ZNF708: variants seen among roughly 807,000 people sequenced by gnomAD.
The protein encoded by ZNF708 is ZNF15, ZNF15L1.
A neutral mutation model predicts 47.0 loss-of-function variants in ZNF708; 44 were observed. That is an observed-to-expected ratio of 0.94 (90% CI 0.74 to 1.20). ZNF708 has a LOEUF of 1.20. Among genes scored for constraint, ZNF708 ranks in the 50% most tolerant of loss-of-function variants. ZNF708 has a pLI of 0.00. For synonymous variants in ZNF708, 184 were observed against 218.5 expected (o/e 0.84, Z 1.39); for missense variants, 557 against 656.0 (o/e 0.85, Z 1.65).
Position 21,329,287 on chromosome 19 carries a change from C to T in ZNF708, c.-75G>A. 6.3e-7 allele frequency: 1 copy of T among 1,597,096 alleles called. No individual in the cohort carries two copies. Among genetic ancestry groups the T allele is most frequent in the Non-Finnish European group, 8.6e-7 (1 of 1,167,230 alleles). On this transcript the variant is annotated 5_prime_UTR_variant, in exon 1 of 4. Coordinates refer to ENST00000356929, the MANE Select transcript of ZNF708 (RefSeq NM_021269.3). ...CCTGCAGGTCACAGAGCCACAGAGT[C>T]TGGGCCTCTAGGAGCAGAGGACAAA...
At chr19:21,300,501 TGTCTA>T (rs1268562387) in intron 3 of ZNF708, among the ~76,000 whole-genome samples, 1 of 145,164 alleles carries the variant, frequency 6.9e-6, no homozygotes, top group Non-Finnish European at 1.5e-5. Context: ...AACGAAACTC[TGTCTA>T]AAAAAAAAAA....
chr19:21,309,516 G>A (rs1029090440), intron 2 of ZNF708, among the ~76,000 whole-genome samples, 175 bp from the exon 3 acceptor site: 1 of 151,960 alleles, frequency 6.6e-6, no homozygotes, highest in Non-Finnish European at 1.5e-5. Flanking sequence ...AAGACCAGAT[G>A]GGTCAACATG....
At chr19:21,309,675 C>T (rs1341411398) in intron 2 of ZNF708, among the ~76,000 whole-genome samples, 1 of 151,808 alleles carries the variant, frequency 6.6e-6, no homozygotes, top group Admixed American at 6.6e-5. Flanking sequence ...ACCACTGCAT[C>T]CAGCCTGAGT....
intron 1 of ZNF708, among the ~76,000 whole-genome samples, chr19:21,314,187 T>C (rs1972959069): frequency 6.8e-6 from 1 of 147,996 alleles, no homozygotes; most frequent in South Asian, 2.1e-4. Context: ...GGGGAGACCC[T>C]CTGTAGAATT....
chr19:21,301,933 G>C (rs1972668584), intron 3 of ZNF708, among the ~76,000 whole-genome samples: 1 of 152,016 alleles, frequency 6.6e-6, no homozygotes, highest in Admixed American at 6.6e-5. Flanking sequence ...AAAAGGTGTG[G>C]GTGTTCATCA....
Position 21,329,289 on chromosome 19 carries a change from G to A in ZNF708, c.-77C>T, listed in dbSNP as rs1380651143. 13 of 1,593,676 alleles carry A rather than the reference G, an allele frequency of 8.2e-6. No individual in the cohort carries two copies. In the East Asian group the frequency reaches 2.9e-4, roughly 36 times the overall value. On this transcript the variant is annotated 5_prime_UTR_variant, in exon 1 of 4. Coordinates refer to ENST00000356929, the MANE Select transcript of ZNF708 (RefSeq NM_021269.3). ...TGCAGGTCACAGAGCCACAGAGTCT[G>A]GGCCTCTAGGAGCAGAGGACAAACA... is the stretch of plus-strand genomic sequence containing the variant.
At chr19:21,312,527 G>A (rs1972919651) in intron 1 of ZNF708, among the ~76,000 whole-genome samples, 1 of 152,152 alleles carries the variant, frequency 6.6e-6, no homozygotes, top group African/African-American at 2.4e-5. Context: ...GTGAGGAGGG[G>A]TGAAGTACAG....
chr19:21,298,574 A>G (rs1216265961), intron 3 of ZNF708, among the ~76,000 whole-genome samples: 1 of 152,212 alleles, frequency 6.6e-6, no homozygotes, highest in Admixed American at 6.5e-5. Context: ...ATCTCAAGAG[A>G]CTATACTCAA....
chr19:21,299,469 G>C (rs978986045), intron 3 of ZNF708, among the ~76,000 whole-genome samples: 1 of 151,876 alleles, frequency 6.6e-6, no homozygotes, highest in Non-Finnish European at 1.5e-5. Flanking sequence ...AAATCTTTTA[G>C]GTGAGGCACA....
chr19:21,306,680 C>T (rs1972770714), intron 3 of ZNF708: 1 of 152,136 alleles, frequency 6.6e-6, no homozygotes, highest in Non-Finnish European at 1.5e-5. Context: ...CATGGAGGCT[C>T]AGGCCTGTAA....
At chr19:21,302,739 T>A (rs889091053) in intron 3 of ZNF708, among the ~76,000 whole-genome samples, 11 of 151,954 alleles carry the variant, frequency 7.2e-5, no homozygotes, top group Non-Finnish European at 1.5e-4. Flanking sequence ...TATTAAAATG[T>A]TTTATGTAAT....
At chr19:21,316,510 A>G (rs1396129732) in intron 1 of ZNF708, among the ~76,000 whole-genome samples, 2 of 152,186 alleles carry the variant, frequency 1.3e-5, no homozygotes, top group East Asian at 3.9e-4. Context: ...GAGTAGCAGC[A>G]GGTATTACTT....
At chr19:21,312,018 G>C (rs1370593502) in intron 1 of ZNF708, among the ~76,000 whole-genome samples, 1 of 152,148 alleles carries the variant, frequency 6.6e-6, no homozygotes, top group Non-Finnish European at 1.5e-5. Flanking sequence ...CATGGGGCCA[G>C]GTGCGGTGGC....
At chr19:21,314,663 G>C (rs893166434) in intron 1 of ZNF708, among the ~76,000 whole-genome samples, 12 of 152,150 alleles carry the variant, frequency 7.9e-5, no homozygotes, top group African/African-American at 2.9e-4. Flanking sequence ...ATAGCAATCA[G>C]TTTATCTGCT....
intron 3 of ZNF708, among the ~76,000 whole-genome samples, chr19:21,306,026 G>A (rs1487640078): frequency 1.3e-5 from 2 of 152,038 alleles, no homozygotes; most frequent in African/African-American, 2.4e-5. Context: ...ACTGGAAAGC[G>A]ACACTGATGA....
intron 1 of ZNF708, among the ~76,000 whole-genome samples, chr19:21,312,650 G>T (rs1262122056): frequency 6.6e-6 from 1 of 152,114 alleles, no homozygotes; most frequent in East Asian, 1.9e-4. Flanking sequence ...GGTAATTTTG[G>T]ACCCACTCTA....
At chr19:21,301,667 C>T (rs976674137) in intron 3 of ZNF708, among the ~76,000 whole-genome samples, 3 of 151,414 alleles carry the variant, frequency 2.0e-5, no homozygotes, top group Non-Finnish European at 2.9e-5. Flanking sequence ...CATGGTGGCA[C>T]GTGCCTGTAA....
At chr19:21,306,447 C>A in intron 3 of ZNF708, among the ~76,000 whole-genome samples, 1 of 151,462 alleles carries the variant, frequency 6.6e-6, no homozygotes, top group Non-Finnish European at 1.5e-5. Flanking sequence ...AAAAGATACC[C>A]AAATGGGAAA....
intron 3 of ZNF708, among the ~76,000 whole-genome samples, chr19:21,297,960 AGTGTGTGTGTGT>A (rs66590988): frequency 3.3e-5 from 5 of 149,956 alleles, no homozygotes; most frequent in East Asian, 2.0e-4. Flanking sequence ...ACAAATGACT[AGTGTGTGTGTGT>A]GTGTGTGTGT....
Sources: allele counts gnomAD v4.1 joint callset (sites outside exome capture counted in the v4.1 genomes callset), GRCh38; gene constraint gnomAD v4.1.1; transcripts MANE v1.5; gene names NCBI Gene and HGNC (gene_info 2026-07-23, HGNC 2026-07-21).